Variants in NRXN3 observed in about 807,000 individuals in gnomAD.
The protein encoded by NRXN3 is neurexin III.
Under a neutral mutation model 137.6 loss-of-function variants are expected in NRXN3, and 32 were observed. The ratio of observed to expected loss-of-function variants is 0.23; its 90% confidence interval spans 0.18 to 0.31. The LOEUF is 0.31. NRXN3 is among the 10% of genes least tolerant of loss of function. NRXN3 has a pLI of 1.00. For missense variants in NRXN3, 1,574 were observed against 2,062.5 expected (o/e 0.76, Z 4.59); for synonymous variants, 798 against 784.5 (o/e 1.02, Z -0.29).
At chr14:79,256,156 CTCTG>C (rs1001519074) in intron 15 of NRXN3, among the ~76,000 whole-genome samples, 3 of 150,956 alleles carry the variant, frequency 2.0e-5, no homozygotes, top group Non-Finnish European at 4.4e-5. Flanking sequence ...CTGTCTGTCT[CTCTG>C]TCTCTCTCTC....
chr14:78,799,884 T>C (rs529243795), intron 8 of NRXN3, among the ~76,000 whole-genome samples: 1 of 152,240 alleles, frequency 6.6e-6, no homozygotes, highest in Non-Finnish European at 1.5e-5. Flanking sequence ...GCCCCCATGA[T>C]TCAATTATTT....
chr14:78,279,289 G>A (rs2074066694), intron 3 of NRXN3, among the ~76,000 whole-genome samples: 1 of 152,128 alleles, frequency 6.6e-6, no homozygotes, highest in African/African-American at 2.4e-5. Context: ...TTTTTAAAGT[G>A]TGTCTTCATC....
chr14:78,534,780 G>A (rs1320349781), intron 4 of NRXN3, among the ~76,000 whole-genome samples: 1 of 152,134 alleles, frequency 6.6e-6, no homozygotes, highest in Non-Finnish European at 1.5e-5. Context: ...TATTCCCCTA[G>A]GACCCTCAGA....
intron 2 of NRXN3, among the ~76,000 whole-genome samples, chr14:78,255,115 G>C (rs996570377): frequency 1.4e-5 from 2 of 146,260 alleles, no homozygotes; most frequent in African/African-American, 5.1e-5. Context: ...GATGAGGCTA[G>C]TCTTGGCCGT....
intron 17 of NRXN3, among the ~76,000 whole-genome samples, chr14:79,666,727 A>G (rs2098558651): frequency 6.6e-6 from 1 of 152,086 alleles, no homozygotes; most frequent in Non-Finnish European, 1.5e-5. Flanking sequence ...GAAGTGTCAT[A>G]TCTCAAAGGT....
At chr14:79,407,684 CA>C (rs1310260036) in intron 15 of NRXN3, among the ~76,000 whole-genome samples, 1 of 152,054 alleles carries the variant, frequency 6.6e-6, no homozygotes, top group African/African-American at 2.4e-5. Flanking sequence ...AGTCTGGAGA[CA>C]GATGGAAGCA....
chr14:78,465,493 A>G (rs1179254433), intron 4 of NRXN3, among the ~76,000 whole-genome samples: 1 of 152,182 alleles, frequency 6.6e-6, no homozygotes, highest in Non-Finnish European at 1.5e-5. Flanking sequence ...AAGAAATATC[A>G]CAAGTGATGA....
intron 20 of NRXN3, among the ~76,000 whole-genome samples, chr14:79,816,905 C>T (rs989203518): frequency 6.6e-6 from 1 of 152,142 alleles, no homozygotes; most frequent in African/African-American, 2.4e-5. Flanking sequence ...GATACTTAAT[C>T]ATTGCTCTGT....
chr14:79,426,806 C>T (rs534554924), intron 15 of NRXN3, among the ~76,000 whole-genome samples: 16 of 152,218 alleles, frequency 1.1e-4, no homozygotes, highest in South Asian at 1.0e-3. Context: ...CACATAGATA[C>T]GACATTGGAA....
intron 19 of NRXN3, among the ~76,000 whole-genome samples, chr14:79,713,608 T>C (rs1267861806): frequency 7.4e-6 from 1 of 134,880 alleles, no homozygotes. Context: ...TACATATACA[T>C]ATACATATGT....
At chr14:78,655,875 G>A (rs2097780503) in intron 6 of NRXN3, among the ~76,000 whole-genome samples, 1 of 152,152 alleles carries the variant, frequency 6.6e-6, no homozygotes, top group African/African-American at 2.4e-5. Flanking sequence ...TCAGGTTCTG[G>A]TGAGGGCCCT....
Position 78,524,472 on chromosome 14 carries a change from C to A in NRXN3, c.758-120648C>A, listed in dbSNP as rs577822042. 3.3e-5 allele frequency among the ~76,000 whole-genome samples: 5 copies of A among 152,346 alleles called. No homozygotes were observed. In the East Asian group the frequency reaches 9.6e-4, roughly 29 times the overall value. On this transcript the variant is annotated intron_variant, in intron 4 of 20. Coordinates refer to ENST00000335750, the MANE Select transcript of NRXN3 (RefSeq NM_001330195.2). ...GTGATTCTCGAGCTCAGGTGCATGG[C>A]AGAATGCCTGGAGGGTTTATTAAAA...
chr14:79,059,350 C>A (rs1020785933), intron 15 of NRXN3, among the ~76,000 whole-genome samples: 1 of 148,972 alleles, frequency 6.7e-6, no homozygotes, highest in African/African-American at 2.5e-5. Context: ...CTCCGCCTCC[C>A]GGGTTCATGC....
intron 4 of NRXN3, among the ~76,000 whole-genome samples, chr14:78,574,974 G>A (rs2096923097): frequency 6.6e-6 from 1 of 152,188 alleles, no homozygotes; most frequent in Non-Finnish European, 1.5e-5. Context: ...CATGTCAAGG[G>A]TGGGACCAGG....
chr14:79,375,039 C>G (rs566794580), intron 15 of NRXN3, among the ~76,000 whole-genome samples: 6 of 152,196 alleles, frequency 3.9e-5, no homozygotes, highest in Non-Finnish European at 7.4e-5. Flanking sequence ...ATATGAAAAA[C>G]AGTGTTATCA....
chr14:79,587,817 G>A (rs2097774110), intron 16 of NRXN3, among the ~76,000 whole-genome samples: 1 of 152,186 alleles, frequency 6.6e-6, no homozygotes, highest in African/African-American at 2.4e-5. Context: ...GAATTTGAAT[G>A]GAAACGGTCT....
chr14:78,605,094 G>A (rs1335852137), intron 4 of NRXN3, among the ~76,000 whole-genome samples: 2 of 152,078 alleles, frequency 1.3e-5, no homozygotes, highest in African/African-American at 2.4e-5. Flanking sequence ...AAAGGATTTC[G>A]ATTTTTTTTC....
chr14:79,773,376 C>A (rs933732640), intron 19 of NRXN3, among the ~76,000 whole-genome samples: 83 of 152,080 alleles, frequency 5.5e-4, no homozygotes, highest in Non-Finnish European at 5.9e-4. Context: ...TTGGAACCAA[C>A]CCAAATGTCC....
intron 1 of NRXN3, among the ~76,000 whole-genome samples, chr14:78,180,729 A>G (rs2059735721): frequency 6.6e-6 from 1 of 152,160 alleles, no homozygotes; most frequent in Non-Finnish European, 1.5e-5. Context: ...CTCTGGCTAG[A>G]TCCTGGGCCC....
Sources: gnomAD v4.1 joint callset for allele counts (sites outside exome capture counted in the v4.1 genomes callset) on GRCh38, gnomAD v4.1.1 for gene constraint, MANE v1.5 for transcripts, NCBI Gene and HGNC (gene_info 2026-07-23, HGNC 2026-07-21) for gene names.